SRGAP3: variants seen among roughly 807,000 people sequenced by gnomAD.
SRGAP3 encodes the protein SLIT-ROBO Rho GTPase activating protein 3, also known as SLIT-ROBO Rho GTPase-activating protein 3.
In SRGAP3, 39 loss-of-function variants were observed where a neutral mutation model predicts 121.1. The ratio of observed to expected loss-of-function variants is 0.32; its 90% CI spans 0.25 to 0.42. The LOEUF is 0.42. Ranked by LOEUF, SRGAP3 falls within the 10% of genes least tolerant of loss-of-function variation. SRGAP3 has a pLI of 1.00. For missense variants in SRGAP3, 1,213 were observed against 1,470.6 expected, an observed-to-expected ratio of 0.82 and a Z score of 2.86; for synonymous variants, 601 against 570.0, an observed-to-expected ratio of 1.05 and a Z score of -0.77.
intron 5 of SRGAP3, 36 bp downstream of exon 5, chr3:9,064,360 G>A: frequency 6.2e-7 from 1 of 1,613,792 alleles, no homozygotes; most frequent in Non-Finnish European, 8.5e-7. Context: ...TTTGTGCCCT[G>A]TCCCCAATCG....
chr3:9,182,972 A>G (rs1031704429), intron 1 of SRGAP3, among the ~76,000 whole-genome samples: 34 of 152,086 alleles, frequency 2.2e-4, no homozygotes, highest in Non-Finnish European at 7.4e-5. Context: ...GATTTTAATT[A>G]TATCTGCAAA....
chr3:9,305,955 T>C (rs947906879), intron 3 of SRGAP3, among the ~76,000 whole-genome samples: 1 of 152,248 alleles, frequency 6.6e-6, no homozygotes, highest in Non-Finnish European at 1.5e-5. Flanking sequence ...AAATGGTATT[T>C]CCAGTTCTAG....
rs370038281 is a variant in SRGAP3, at chr3:9,011,018, G to C, written c.2148-631C>G. 3.4e-4 allele frequency among the ~76,000 whole-genome samples: 46 copies of C among 136,352 alleles called. No individual in the cohort carries two copies. The South Asian group carries it at 0.012, about 34-fold the overall frequency. 89.5% of individuals were successfully genotyped at this position (136,352 alleles called of 152,430 possible). Reference sequence around the variant, plus strand: ...CTAGATTATAAGCTTCTTGAGGCAAGGGTTAATTCACATAATCAGCCAGTT... The same window carrying C: ...CTAGATTATAAGCTTCTTGAGGCAACGGTTAATTCACATAATCAGCCAGTT... On this transcript the variant is annotated intron_variant, in intron 17 of 21. Coordinates refer to ENST00000383836, the MANE Select transcript of SRGAP3 (RefSeq NM_014850.4).
chr3:9,350,310 T>G (rs2030059516), intron 1 of SRGAP3, among the ~76,000 whole-genome samples: 1 of 152,176 alleles, frequency 6.6e-6, no homozygotes, highest in African/African-American at 2.4e-5. Context: ...AGCTTACATT[T>G]CAGTAGGGAA....
intron 1 of SRGAP3, among the ~76,000 whole-genome samples, chr3:9,210,313 T>A (rs1388078091): frequency 6.6e-6 from 1 of 152,244 alleles, no homozygotes; most frequent in Non-Finnish European, 1.5e-5. Context: ...AATTCACATT[T>A]CAGTAGAACA....
chr3:9,300,623 G>C (rs544666227), intron 3 of SRGAP3, among the ~76,000 whole-genome samples: 1 of 152,320 alleles, frequency 6.6e-6, no homozygotes, highest in African/African-American at 2.4e-5. Flanking sequence ...ATGTGTTCCA[G>C]GAAGGGAAGG....
At chr3:9,001,767 T>C (rs893192660) in intron 18 of SRGAP3, among the ~76,000 whole-genome samples, 8 of 152,174 alleles carry the variant, frequency 5.3e-5, no homozygotes, top group Admixed American at 2.6e-4. Flanking sequence ...AGAATGACTA[T>C]ACTAATATCG....
At chr3:9,179,690 C>A (rs991829991) in intron 1 of SRGAP3, among the ~76,000 whole-genome samples, 5 of 152,238 alleles carry the variant, frequency 3.3e-5, no homozygotes, top group Admixed American at 3.3e-4. Context: ...GCCTCTGTCA[C>A]AAGGAAACTG....
At chr3:9,272,603 A>G (rs1220897552) in intron 3 of SRGAP3, among the ~76,000 whole-genome samples, 1 of 152,214 alleles carries the variant, frequency 6.6e-6, no homozygotes, top group African/African-American at 2.4e-5. Context: ...TTTAAGGATG[A>G]ATAATATTCT....
At chr3:9,244,442 A>AC (rs1953753621) in intron 1 of SRGAP3, among the ~76,000 whole-genome samples, 1 of 151,002 alleles carries the variant, frequency 6.6e-6, no homozygotes. Context: ...ATATGTAACA[A>AC]AAAAAAAAGC....
intron 4 of SRGAP3, among the ~76,000 whole-genome samples, chr3:9,077,709 G>A (rs1241296193): frequency 6.6e-6 from 1 of 152,220 alleles, no homozygotes; most frequent in South Asian, 2.1e-4. Flanking sequence ...GCCAGCACAG[G>A]GAGGTGTGCA....
At chr3:9,324,913 C>T (rs1214845618) in intron 3 of SRGAP3, among the ~76,000 whole-genome samples, 4 of 151,322 alleles carry the variant, frequency 2.6e-5, no homozygotes, top group South Asian at 4.2e-4. Context: ...GCCGAGATCG[C>T]GCCACTGCAC....
chr3:9,133,191 C>T (rs777659332), intron 1 of SRGAP3, among the ~76,000 whole-genome samples: 9 of 151,924 alleles, frequency 5.9e-5, no homozygotes, highest in East Asian at 3.9e-4. Flanking sequence ...TTTAATAATA[C>T]ATCCTGGAGG....
intron 2 of SRGAP3, among the ~76,000 whole-genome samples, chr3:9,111,436 G>A (rs897395889): frequency 1.3e-5 from 2 of 152,226 alleles, no homozygotes; most frequent in Admixed American, 6.5e-5. Context: ...GGCGCCTCAG[G>A]GCGGAGAGCC....
intron 1 of SRGAP3, among the ~76,000 whole-genome samples, chr3:9,235,005 A>G (rs574262588): frequency 6.6e-6 from 1 of 152,324 alleles, no homozygotes; most frequent in South Asian, 2.1e-4. Context: ...CAAATGTGGC[A>G]GTGAGGGAAG....
At chr3:9,160,286 T>C (rs890145441) in intron 1 of SRGAP3, among the ~76,000 whole-genome samples, 1 of 152,216 alleles carries the variant, frequency 6.6e-6, no homozygotes, top group African/African-American at 2.4e-5. Context: ...GGGACATATT[T>C]AGTGACTTGC....
rs139840887 is a variant in SRGAP3 at position 9,143,808 on chromosome 3, A to G, written c.68-18891T>C. Among the ~76,000 whole-genome samples the G allele has an allele frequency of 3.9e-5, 6 of 152,194 alleles. No individual in the cohort carries two copies. In the East Asian group the frequency reaches 1.2e-3, roughly 29 times the overall value. On this transcript the variant is annotated intron_variant, in intron 1 of 21. Transcript: ENST00000383836. ...ACCACTGCCCCAGTTTTCCCTGAGG[A>G]GACAACACCTTGATTTTCCTGCTAT...
chr3:9,095,048 C>T (rs959712331), intron 3 of SRGAP3, among the ~76,000 whole-genome samples: 2 of 152,096 alleles, frequency 1.3e-5, no homozygotes, highest in Admixed American at 6.6e-5. Context: ...AGGTGTGAGC[C>T]GCACCTGTAA....
intron 2 of SRGAP3, among the ~76,000 whole-genome samples, chr3:9,107,401 G>A (rs1381376987): frequency 1.3e-5 from 2 of 152,222 alleles, no homozygotes; most frequent in African/African-American, 4.8e-5. Context: ...AGAAGGCATC[G>A]TTCTCCTCCA....
Sources: allele counts gnomAD v4.1 joint callset (sites outside exome capture counted in the v4.1 genomes callset), GRCh38; gene constraint gnomAD v4.1.1; transcripts MANE v1.5; gene names NCBI Gene and HGNC (gene_info 2026-07-23, HGNC 2026-07-21).